The following SGCZ variants were observed in gnomAD, a reference collection of about 807,000 sequenced individuals.
SGCZ encodes zeta-sarcoglycan.
In SGCZ, 40 loss-of-function variants were observed where a neutral mutation model predicts 41.3. That is an observed-to-expected ratio of 0.97 (90% CI 0.75 to 1.26). The LOEUF (loss-of-function observed/expected upper bound fraction) is 1.26. Ranked by LOEUF, SGCZ falls within the 50% of genes most tolerant of loss-of-function variation. The pLI is 0.00. For synonymous variants in SGCZ, 206 were observed against 137.5 expected (o/e 1.50, Z -3.49); for missense variants, 552 against 369.8 (o/e 1.49, Z -4.04).
intron 7 of SGCZ, among the ~76,000 whole-genome samples, chr8:14,099,567 G>T (rs1801947734): frequency 6.6e-6 from 1 of 151,986 alleles, no homozygotes; most frequent in South Asian, 2.1e-4. Context: ...TCTTCTAAAA[G>T]TACAAATATT....
At chr8:14,899,732 C>A (rs1438964654) in intron 1 of SGCZ, among the ~76,000 whole-genome samples, 1 of 151,260 alleles carries the variant, frequency 6.6e-6, no homozygotes, top group African/African-American at 2.4e-5. Context: ...GAAGAATATA[C>A]CAGCCTATAC....
chr8:14,607,415 C>G (rs1268468635), intron 1 of SGCZ, among the ~76,000 whole-genome samples: 1 of 152,282 alleles, frequency 6.6e-6, no homozygotes, highest in Non-Finnish European at 1.5e-5. Flanking sequence ...ATGCCCTATA[C>G]TATTAATCCA....
rs149760039 is a variant in SGCZ at position 14,787,013 on chromosome 8, C to T, written c.40-232087G>A. On this transcript the variant is annotated intron_variant, in intron 1 of 7. Transcript: ENST00000382080. ...GGGACTCTTCCTAAACTCTTTCCTA[C>T]AAGCTCACTGTGAATCAGGAGCAGT... is the stretch of plus-strand genomic sequence containing the variant. Among the ~76,000 whole-genome samples the T allele has an allele frequency of 3.6e-3, 548 of 152,202 alleles. 3 individuals carry two copies. Among genetic ancestry groups the T allele is most frequent in the African/African-American group, 0.013 (525 of 41,534 alleles).
chr8:15,067,300 T>C (rs561901866), intron 1 of SGCZ, among the ~76,000 whole-genome samples: 1 of 152,210 alleles, frequency 6.6e-6, no homozygotes, highest in Non-Finnish European at 1.5e-5. Flanking sequence ...TAAATATGCA[T>C]ACAGAATTTT....
chr8:15,147,606 G>C (rs268442), intron 1 of SGCZ, among the ~76,000 whole-genome samples: 20,195 of 152,106 alleles, frequency 0.13, 1,771 homozygotes, highest in African/African-American at 0.25. Context: ...GGTTAATTTA[G>C]TGATTTTCCG....
chr8:14,576,127 C>G (rs1371069721), intron 1 of SGCZ, among the ~76,000 whole-genome samples: 4 of 152,168 alleles, frequency 2.6e-5, no homozygotes, highest in African/African-American at 9.7e-5. Flanking sequence ...TAATTGATCT[C>G]TGTTAACTTG....
At chr8:14,803,496 C>G (rs1000214369) in intron 1 of SGCZ, among the ~76,000 whole-genome samples, 3 of 152,136 alleles carry the variant, frequency 2.0e-5, no homozygotes, top group African/African-American at 7.2e-5. Context: ...GGGTCACTCC[C>G]ACCCGAATAC....
intron 1 of SGCZ, among the ~76,000 whole-genome samples, chr8:14,772,650 T>C (rs1305736230): frequency 1.4e-5 from 2 of 143,508 alleles, no homozygotes; most frequent in Admixed American, 1.5e-4. Flanking sequence ...CACTGTTCAA[T>C]TCCCACCTAT....
At chr8:14,391,521 T>C (rs1024294914) in intron 2 of SGCZ, among the ~76,000 whole-genome samples, 1 of 151,908 alleles carries the variant, frequency 6.6e-6, no homozygotes, top group African/African-American at 2.4e-5. Flanking sequence ...AGGCAGGGAG[T>C]ACTATGTTCA....
rs551743319 is a variant in SGCZ, at chr8:14,381,845, T to G, written c.235-57641A>C. The stretch of plus-strand genomic sequence containing the variant: ...AAAAACTTTAATAAAGCCCTAGGCT[T>G]TATGCACACTAATTCATTGTTTCAC... On this transcript the variant is annotated intron_variant, in intron 2 of 7. Coordinates refer to ENST00000382080, the MANE Select transcript of SGCZ (RefSeq NM_139167.4). Among the ~76,000 whole-genome samples the G allele has an allele frequency of 3.9e-5, 6 of 152,206 alleles. No individual in the cohort carries two copies. The East Asian group carries it at 1.2e-3, about 29-fold the overall frequency.
intron 1 of SGCZ, among the ~76,000 whole-genome samples, chr8:14,618,388 C>T (rs1251164188): frequency 1.3e-5 from 2 of 152,010 alleles, no homozygotes; most frequent in Non-Finnish European, 2.9e-5. Flanking sequence ...CAAAGGAGTC[C>T]ATGAAGATAT....
At chr8:14,529,457 C>T (rs985015194) in intron 2 of SGCZ, among the ~76,000 whole-genome samples, 1 of 152,136 alleles carries the variant, frequency 6.6e-6, no homozygotes, top group Admixed American at 6.6e-5. Flanking sequence ...CCTAACTCCC[C>T]ATGAAGCTTT....
chr8:14,718,658 A>C (rs1291812054), intron 1 of SGCZ, among the ~76,000 whole-genome samples: 1 of 3,598 alleles, frequency 2.8e-4, no homozygotes, highest in Non-Finnish European at 1.1e-3. Context: ...GTATGCTATA[A>C]TAAAAAAACT....
At chr8:14,483,226 CTTATT>C (rs768725388) in intron 2 of SGCZ, among the ~76,000 whole-genome samples, 9 of 152,216 alleles carry the variant, frequency 5.9e-5, no homozygotes, top group Non-Finnish European at 1.0e-4. Flanking sequence ...AAAACAAAAT[CTTATT>C]TTAAGTACGC....
chr8:15,166,010 A>C (rs1799653832), intron 1 of SGCZ, among the ~76,000 whole-genome samples: 1 of 152,196 alleles, frequency 6.6e-6, no homozygotes, highest in Non-Finnish European at 1.5e-5. Flanking sequence ...TTGGCAAAAT[A>C]AATAATTTAT....
intron 2 of SGCZ, among the ~76,000 whole-genome samples, chr8:14,475,632 G>A (rs1362937575): frequency 2.6e-5 from 4 of 152,024 alleles, no homozygotes; most frequent in African/African-American, 9.7e-5. Flanking sequence ...TAAATTGTTG[G>A]AGATAAAACC....
chr8:14,297,637 A>T (rs1187722771), intron 3 of SGCZ, among the ~76,000 whole-genome samples: 3 of 152,062 alleles, frequency 2.0e-5, no homozygotes, highest in African/African-American at 7.2e-5. Context: ...ACATAAATGA[A>T]TCAAATTAGG....
intron 1 of SGCZ, among the ~76,000 whole-genome samples, chr8:14,582,670 C>A (rs1356471842): frequency 1.6e-5 from 2 of 125,542 alleles, no homozygotes; most frequent in Non-Finnish European, 3.3e-5. Context: ...CCCCCCACCC[C>A]ACAACAGTCC....
intron 1 of SGCZ, among the ~76,000 whole-genome samples, chr8:14,732,829 A>C (rs1054950555): frequency 1.3e-5 from 2 of 152,206 alleles, no homozygotes; most frequent in Non-Finnish European, 2.9e-5. Flanking sequence ...AAAAAAAGAC[A>C]TAACTATGTA....
Sources: gnomAD v4.1 joint callset for allele counts (sites outside exome capture counted in the v4.1 genomes callset) on GRCh38, gnomAD v4.1.1 for gene constraint, MANE v1.5 for transcripts, NCBI Gene and HGNC (gene_info 2026-07-23, HGNC 2026-07-21) for gene names.